IL1RAPL2: variants seen among roughly 807,000 people sequenced by gnomAD.
IL1RAPL2 encodes interleukin 1 receptor accessory protein like 2, also known as X-linked interleukin-1 receptor accessory protein-like 2.
A neutral mutation model predicts 44.1 loss-of-function variants in IL1RAPL2; 3 were observed. That is an observed-to-expected ratio of 0.07 (90% CI 0.03 to 0.18). The LOEUF (loss-of-function observed/expected upper bound fraction) is 0.18. IL1RAPL2 is among the 10% of genes least tolerant of loss of function. The pLI is 1.00. For synonymous variants in IL1RAPL2, 181 were observed against 178.8 expected, an observed-to-expected ratio of 1.01 and a Z score of -0.10; for missense variants, 391 against 496.4, an observed-to-expected ratio of 0.79 and a Z score of 2.02.
intron 2 of IL1RAPL2, among the ~76,000 whole-genome samples, chrX:104,953,337 AC>A (rs1925635203): frequency 8.9e-6 from 1 of 112,006 alleles, no homozygotes; most frequent in Non-Finnish European, 1.9e-5. Flanking sequence ...AAATAACATA[AC>A]TAAGTTAGAG....
chrX:104,665,790 C>A (rs1254908345), intron 2 of IL1RAPL2, among the ~76,000 whole-genome samples: 2 of 110,912 alleles, frequency 1.8e-5, no homozygotes, highest in African/African-American at 6.5e-5. Flanking sequence ...AAAACCAGTG[C>A]TCTGTTTATG....
chrX:105,668,966 G>A (rs970769501), intron 6 of IL1RAPL2, among the ~76,000 whole-genome samples: 9 of 111,314 alleles, frequency 8.1e-5, no homozygotes, highest in South Asian at 7.7e-4. Flanking sequence ...GTCATGGCTC[G>A]AGTAAGAGGA....
rs1453733645 is a variant in IL1RAPL2 at position 104,838,835 on chromosome X, CTTTCTTTCTTTCTTT to C, written c.82+179844_82+179858del. Among the ~76,000 whole-genome samples the C allele has an allele frequency of 6.5e-4, 34 of 52,659 alleles. 1 individual carries two copies. The highest frequency in any genetic ancestry group is 1.2e-3 in the Admixed American group (6 of 5,109). 45.7% of individuals were successfully genotyped at this position (52,659 alleles called of 115,157 possible). On this transcript the variant is annotated intron_variant, in intron 2 of 10. Coordinates refer to ENST00000372582, the MANE Select transcript of IL1RAPL2 (RefSeq NM_017416.2). ...CTTTTCTTTTCTTCTTTCTTTCTTTCTTTCTTTCTTTCTTTTTTTTTTTTTTTTTTTTGAGGCAGA... is the reference window on the plus strand; with the variant it reads ...CTTTTCTTTTCTTCTTTCTTTCTTTCTTTTTTTTTTTTTTTTTGAGGCAGA...
intron 1 of IL1RAPL2, among the ~76,000 whole-genome samples, chrX:104,614,257 A>G (rs1168256504): frequency 9.0e-6 from 1 of 111,115 alleles, no homozygotes; most frequent in African/African-American, 3.3e-5. Context: ...TTGTTTTTCT[A>G]GTTCCTCTGG....
chrX:105,237,100 G>T (rs927183265), intron 4 of IL1RAPL2, among the ~76,000 whole-genome samples: 13 of 111,309 alleles, frequency 1.2e-4, no homozygotes, highest in Middle Eastern at 4.6e-3. Context: ...GCAGTGTTTG[G>T]TTTTTTTGTC....
At chrX:105,312,106 A>G in intron 5 of IL1RAPL2, among the ~76,000 whole-genome samples, 1 of 111,773 alleles carries the variant, frequency 8.9e-6, no homozygotes, top group Non-Finnish European at 1.9e-5. Context: ...AATCTTAGTT[A>G]TTCCCTTAAT....
At chrX:104,793,758 C>A (rs894664929) in intron 2 of IL1RAPL2, among the ~76,000 whole-genome samples, 3 of 111,434 alleles carry the variant, frequency 2.7e-5, no homozygotes, top group African/African-American at 9.8e-5. Context: ...TATTAATTAT[C>A]CTCCTGCACC....
intron 2 of IL1RAPL2, among the ~76,000 whole-genome samples, chrX:104,778,389 A>G (rs886109374): frequency 3.6e-5 from 4 of 110,182 alleles, no homozygotes; most frequent in African/African-American, 1.3e-4. Flanking sequence ...TATACTTCCT[A>G]AATATTTAAT....
intron 2 of IL1RAPL2, among the ~76,000 whole-genome samples, chrX:104,963,284 T>C (rs1460290204): frequency 8.9e-6 from 1 of 112,205 alleles, no homozygotes; most frequent in African/African-American, 3.2e-5. Flanking sequence ...AAAATTTGAA[T>C]AGTCTTAAGG....
chrX:105,260,282 C>T, intron 4 of IL1RAPL2, among the ~76,000 whole-genome samples: 1 of 112,534 alleles, frequency 8.9e-6, no homozygotes, highest in Non-Finnish European at 1.9e-5. Context: ...GCCCAGCCCT[C>T]CTTCTGAGAG....
At chrX:105,085,482 C>T (rs901119910) in intron 2 of IL1RAPL2, among the ~76,000 whole-genome samples, 1 of 112,297 alleles carries the variant, frequency 8.9e-6, no homozygotes, top group Non-Finnish European at 1.9e-5. Flanking sequence ...GATATCACCT[C>T]ACACCAGTCA....
intron 5 of IL1RAPL2, among the ~76,000 whole-genome samples, chrX:105,447,803 T>A (rs376556478): frequency 0.014 from 1,272 of 88,046 alleles, 48 homozygotes; most frequent in African/African-American, 0.055. Context: ...AAATATATTA[T>A]ACATATAAAT....
intron 5 of IL1RAPL2, among the ~76,000 whole-genome samples, chrX:105,403,901 G>T (rs190131267): frequency 9.0e-6 from 1 of 111,173 alleles, no homozygotes; most frequent in African/African-American, 3.3e-5. Flanking sequence ...TTTTGTTAAC[G>T]TAATAATTTA....
At chrX:104,769,032 C>G (rs1219796874) in intron 2 of IL1RAPL2, among the ~76,000 whole-genome samples, 2 of 111,194 alleles carry the variant, frequency 1.8e-5, no homozygotes, top group Non-Finnish European at 3.8e-5. Flanking sequence ...GTGACATTGG[C>G]AAGTGGTTTT....
At chrX:105,375,564 T>C (rs2035381744) in intron 5 of IL1RAPL2, among the ~76,000 whole-genome samples, 1 of 112,274 alleles carries the variant, frequency 8.9e-6, no homozygotes, top group Non-Finnish European at 1.9e-5. Flanking sequence ...ACCTGCTATA[T>C]TTTTCAGGCT....
chrX:105,345,391 G>A (rs1188724205), intron 5 of IL1RAPL2, among the ~76,000 whole-genome samples: 14 of 111,520 alleles, frequency 1.3e-4, no homozygotes, highest in Middle Eastern at 4.6e-3. Context: ...TTAAGCTCAG[G>A]ATTTTCATCT....
chrX:104,854,539 T>C (rs1922308179), intron 2 of IL1RAPL2, among the ~76,000 whole-genome samples: 1 of 111,825 alleles, frequency 8.9e-6, no homozygotes, highest in Non-Finnish European at 1.9e-5. Context: ...TGTATAAATC[T>C]GGAATCATAA....
chrX:104,726,350 T>C (rs978661747), intron 2 of IL1RAPL2, among the ~76,000 whole-genome samples: 2 of 111,729 alleles, frequency 1.8e-5, no homozygotes, highest in Non-Finnish European at 3.8e-5. Context: ...TAGGATTGTC[T>C]TGGCTATATG....
chrX:105,437,793 G>C (rs760380056), intron 5 of IL1RAPL2, among the ~76,000 whole-genome samples: 2 of 111,193 alleles, frequency 1.8e-5, no homozygotes, highest in South Asian at 7.5e-4. Context: ...GTTACCATGG[G>C]TTAAAAAAAA....
Sources: allele counts gnomAD v4.1 joint callset (sites outside exome capture counted in the v4.1 genomes callset), GRCh38; gene constraint gnomAD v4.1.1; transcripts MANE v1.5; gene names NCBI Gene and HGNC (gene_info 2026-07-23, HGNC 2026-07-21).